Variants in ABLIM1 observed in about 807,000 individuals in gnomAD.
The protein encoded by ABLIM1 is actin binding LIM protein 1, also known as actin-binding LIM protein 1.
A neutral mutation model predicts 107.0 loss-of-function variants in ABLIM1; 40 were observed. The ratio of observed to expected loss-of-function variants is 0.37; its 90% CI spans 0.29 to 0.49. The LOEUF (loss-of-function observed/expected upper bound fraction) is 0.49. ABLIM1 is among the 20% of genes least tolerant of loss of function. The probability of loss-of-function intolerance (pLI) is 0.97; values close to 1 mark genes in which losing one functional copy is unlikely to be tolerated. For missense variants in ABLIM1, 857 were observed against 1,008.5 expected, an observed-to-expected ratio of 0.85 and a Z score of 2.04; for synonymous variants, 357 against 357.3, an observed-to-expected ratio of 1.00 and a Z score of 0.01.
intron 11 of ABLIM1, among the ~76,000 whole-genome samples, chr10:114,466,292 A>C (rs2065134965): frequency 6.6e-6 from 1 of 152,232 alleles, no homozygotes; most frequent in African/African-American, 2.4e-5. Flanking sequence ...CCTGGACGAC[A>C]GAGTGAGACA....
intron 6 of ABLIM1, among the ~76,000 whole-genome samples, chr10:114,500,796 C>G (rs2060328972): frequency 1.9e-5 from 2 of 104,954 alleles, no homozygotes; most frequent in South Asian, 3.2e-4. Context: ...GGGAAGGGAG[C>G]CTACTACGTA....
At position 114,433,920 on chromosome 10, in the gene ABLIM1, G is replaced by A. The variant is rs868396855; in HGVS notation, c.*2340C>T. ...GATAATTCATTAATCAATGTAAAAC[G>A]TAGGGACCCTTTATTAGCTCCATAA... On this transcript the variant is annotated 3_prime_UTR_variant, in exon 23 of 23. Coordinates refer to ENST00000533213, the MANE Select transcript of ABLIM1 (RefSeq NM_002313.7). The A allele has an allele frequency of 3.3e-5, 5 of 152,048 alleles. No homozygotes were observed. The highest frequency in any genetic ancestry group is 5.9e-5 in the Non-Finnish European group (4 of 68,024). 9.4% of individuals were successfully genotyped at this position (152,048 alleles called of 1,614,324 possible). A position where few individuals can be genotyped will look rare whatever the true frequency, so the allele number is the denominator to read the frequency against.
intron 2 of ABLIM1, among the ~76,000 whole-genome samples, chr10:114,577,141 A>G (rs1244198923): frequency 6.6e-6 from 1 of 152,052 alleles, no homozygotes; most frequent in African/African-American, 2.4e-5. Context: ...TGCAGATCTT[A>G]TTTTTCTACA....
intron 4 of ABLIM1, among the ~76,000 whole-genome samples, chr10:114,548,286 A>T (rs1251347260): frequency 6.6e-6 from 1 of 152,182 alleles, no homozygotes; most frequent in Non-Finnish European, 1.5e-5. Flanking sequence ...CCTTTCAAAG[A>T]TTTGTGATCA....
chr10:114,726,148 T>C (rs914733316), intron 1 of ABLIM1, among the ~76,000 whole-genome samples: 2 of 150,728 alleles, frequency 1.3e-5, no homozygotes, highest in Admixed American at 6.7e-5. Flanking sequence ...GTGTGTGACT[T>C]GTAAAAAGTT....
At chr10:114,530,031 AAAT>A (rs1448618454) in intron 6 of ABLIM1, among the ~76,000 whole-genome samples, 1 of 152,198 alleles carries the variant, frequency 6.6e-6, no homozygotes, top group African/African-American at 2.4e-5. Flanking sequence ...CCATCTCAAA[AAAT>A]AATATTTTTA....
intron 1 of ABLIM1, among the ~76,000 whole-genome samples, chr10:114,729,349 C>T (rs543786495): frequency 3.0e-4 from 46 of 152,186 alleles, no homozygotes; most frequent in Admixed American, 2.4e-3. Context: ...GCTGACCACA[C>T]CATCAAACTC....
chr10:114,708,595 G>C (rs2081476548), intron 1 of ABLIM1, among the ~76,000 whole-genome samples: 1 of 152,188 alleles, frequency 6.6e-6, no homozygotes, highest in Non-Finnish European at 1.5e-5. Flanking sequence ...ACAACAAAAG[G>C]AAAGCAAATG....
chr10:114,683,386 T>A (rs1301330034), intron 1 of ABLIM1, among the ~76,000 whole-genome samples: 1 of 152,224 alleles, frequency 6.6e-6, no homozygotes, highest in Non-Finnish European at 1.5e-5. Flanking sequence ...AGGAGAAAAC[T>A]GTGTGGCATA....
intron 12 of ABLIM1, among the ~76,000 whole-genome samples, chr10:114,457,224 G>C (rs1449587751): frequency 6.6e-6 from 1 of 151,790 alleles, no homozygotes; most frequent in South Asian, 2.1e-4. Flanking sequence ...CTCAGGAAGA[G>C]GCCTCTTTCC....
intron 1 of ABLIM1, among the ~76,000 whole-genome samples, chr10:114,640,458 C>T (rs905379458): frequency 6.6e-5 from 10 of 152,080 alleles, no homozygotes; most frequent in African/African-American, 1.7e-4. Flanking sequence ...ACCCAGTAGG[C>T]GGAGGCTGCA....
rs1294432046 is a variant in ABLIM1, at chr10:114,690,582, A to G, written c.-213+77479T>C. ...CTTGTCTGCAAACAGCTCAAAGGAG[A>G]TGCAGCCCAAGGGCTCACCATTGAT... On this transcript the variant is annotated intron_variant, in intron 1 of 15. Transcript: ENST00000651092. 6.3e-6 allele frequency: 6 copies of G among 952,590 alleles called. No homozygotes were observed. The African/African-American group carries it at 6.4e-5, about 10-fold the overall frequency. The allele number at this position is 952,590 out of a possible 1,614,324, so 59.0% of individuals were successfully genotyped here.
chr10:114,674,328 GA>G (rs2141441670), intron 1 of ABLIM1, among the ~76,000 whole-genome samples: 1 of 151,230 alleles, frequency 6.6e-6, no homozygotes, highest in South Asian at 2.1e-4. Context: ...AAAAAGAAGA[GA>G]GACCTTTTGT....
intron 1 of ABLIM1, among the ~76,000 whole-genome samples, chr10:114,759,185 AT>A (rs1425198657): frequency 2.0e-5 from 3 of 152,186 alleles, no homozygotes; most frequent in African/African-American, 7.2e-5. Flanking sequence ...TCCAAAACTA[AT>A]TTTTTAACGG....
In ABLIM1 at chr10:114,698,761, G is replaced by A. The variant is rs1430765889; in HGVS notation, c.-213+69300C>T. On this transcript the variant is annotated intron_variant, in intron 1 of 15. Transcript: ENST00000651092. The stretch of plus-strand genomic sequence containing the variant: ...AAGTCAGAAGAAAACAATTCAGCAT[G>A]TGGAGAAAATAAGAAATTTTCAGAC... Among the ~76,000 whole-genome samples the A allele has an allele frequency of 4.6e-5, 7 of 152,242 alleles. No individual in the cohort carries two copies. The East Asian group carries it at 1.4e-3, about 29-fold the overall frequency.
chr10:114,602,024 T>A, intron 1 of ABLIM1, 63 bp from the exon 2 acceptor site: 1 of 1,598,592 alleles, frequency 6.3e-7, no homozygotes, highest in Non-Finnish European at 8.6e-7. Flanking sequence ...GGGGTCATCA[T>A]GGTATCTCTG....
In ABLIM1 at chr10:114,434,280, AACACAC is replaced by A. The variant is rs58418721; in HGVS notation, c.*1974_*1979del. ...ATTTGCTAAACATGTTAGTAGATCC[AACACAC>A]ACACACACACACACACACACACACA... On this transcript the variant is annotated 3_prime_UTR_variant, in exon 23 of 23. Transcript: ENST00000533213. The A allele has an allele frequency of 0.11, 15,279 of 138,738 alleles. 900 individuals are homozygous for A. Among genetic ancestry groups the A allele is most frequent in the African/African-American group, 0.15 (5,321 of 36,612 alleles). 8.6% of individuals were successfully genotyped at this position (138,738 alleles called of 1,614,324 possible).
intron 1 of ABLIM1, among the ~76,000 whole-genome samples, chr10:114,607,353 C>T (rs2076491010): frequency 6.6e-6 from 1 of 152,218 alleles, no homozygotes; most frequent in African/African-American, 2.4e-5. Flanking sequence ...AGCCACCGCG[C>T]CCGGCCTCTG....
intron 6 of ABLIM1, among the ~76,000 whole-genome samples, chr10:114,509,944 C>T (rs1343122330): frequency 2.0e-5 from 3 of 152,198 alleles, no homozygotes; most frequent in Admixed American, 6.5e-5. Flanking sequence ...TACATGGCGG[C>T]CAGCAAGAGA....
Sources: gnomAD v4.1 joint callset for allele counts (sites outside exome capture counted in the v4.1 genomes callset) on GRCh38, gnomAD v4.1.1 for gene constraint, MANE v1.5 for transcripts, NCBI Gene and HGNC (gene_info 2026-07-23, HGNC 2026-07-21) for gene names.